Variants in KRT39 observed in about 807,000 individuals in gnomAD.
KRT39 encodes the protein keratin, type I cytoskeletal 39.
KRT39 carries 47 observed loss-of-function variants against 54.8 expected under a neutral mutation model. The ratio of observed to expected loss-of-function variants is 0.86; its 90% CI spans 0.68 to 1.09. KRT39 has a LOEUF of 1.09. KRT39 is among the 50% of genes least tolerant of loss of function. The probability of loss-of-function intolerance (pLI) is 0.00; values close to 1 mark genes in which losing one functional copy is unlikely to be tolerated. For missense variants in KRT39, 580 were observed against 598.5 expected (o/e 0.97, Z 0.32); for synonymous variants, 207 against 227.9 (o/e 0.91, Z 0.83).
chr17:40,960,458 T>TA lies in KRT39; in HGVS notation c.1039dup (p.Tyr347LeufsTer13). The TA allele has an allele frequency of 1.9e-6, 3 of 1,614,086 alleles. No homozygotes were observed. The highest frequency in any genetic ancestry group is 2.5e-6 in the Non-Finnish European group (3 of 1,179,990). The stretch of plus-strand genomic sequence containing the variant: ...CTGGATCTGGGTCAGCAAGGCCGTG[T>TA]AGCGAGCCTCTGTCTCCGTTAGGAT... On this transcript the variant is annotated frameshift_variant, in exon 6 of 7. Transcript: ENST00000355612. LOFTEE classifies it high-confidence loss of function.
intron 3 of KRT39, among the ~76,000 whole-genome samples, chr17:40,962,951 T>G (rs534032714): frequency 6.6e-6 from 1 of 151,998 alleles, no homozygotes; most frequent in Non-Finnish European, 1.5e-5. Context: ...CAATGGGAGG[T>G]GGCAGAAGCC....
chr17:40,961,055 G>A (rs1484230348), intron 5 of KRT39, among the ~76,000 whole-genome samples: 1 of 151,930 alleles, frequency 6.6e-6, no homozygotes, highest in African/African-American at 2.4e-5. Context: ...GCTTGAACCC[G>A]GGAGGTGGAG....
In KRT39 at chr17:40,966,502, G is replaced by T; in HGVS notation, c.355C>A (p.Arg119=). The T allele has an allele frequency of 6.2e-7, 1 of 1,614,014 alleles. No individual in the cohort carries two copies. The highest frequency in any genetic ancestry group is 8.5e-7 in the Non-Finnish European group (1 of 1,179,970). ...NYLQKVRMLE[R]ENAELESKIQ... ...TTAGATTCCAGTTCAGCATTCTCTCGTTCTAGCATTCGCACCTTTTGCAGG... is the reference window on the plus strand; with the variant it reads ...TTAGATTCCAGTTCAGCATTCTCTCTTTCTAGCATTCGCACCTTTTGCAGG... Residue 119 remains arginine (R), a synonymous_variant, in exon 1 of 7, where the codon CGA becomes AGA. Coordinates refer to ENST00000355612, the MANE Select transcript of KRT39 (RefSeq NM_213656.4).
At chr17:40,964,814 A>T (rs148219175) in intron 1 of KRT39, among the ~76,000 whole-genome samples, 2,222 of 152,286 alleles carry the variant, frequency 0.015, 29 homozygotes, top group Non-Finnish European at 0.025. Flanking sequence ...ATGTAATATC[A>T]GCACTTGGGA....
chr17:40,963,828 A>G (rs778941304), intron 2 of KRT39, 45 bp from the exon 3 acceptor site: 1 of 1,498,754 alleles, frequency 6.7e-7, no homozygotes, highest in Non-Finnish European at 9.1e-7. Context: ...AAAGGAGATG[A>G]TGCAAACCAA....
At chr17:40,960,947 T>C (rs1167699616) in intron 5 of KRT39, among the ~76,000 whole-genome samples, 1 of 152,086 alleles carries the variant, frequency 6.6e-6, no homozygotes, top group Non-Finnish European at 1.5e-5. Flanking sequence ...CTGGCCAAGA[T>C]GGTGAAACCC....
Position 40,966,607 on chromosome 17 carries a change from C to T in KRT39, c.250G>A (p.Asp84Asn). The change falls in exon 1 of 7, where the codon GAC becomes AAC. Residue 84 changes from aspartate to asparagine, a missense_variant. Coordinates refer to ENST00000355612, the MANE Select transcript of KRT39 (RefSeq NM_213656.4). ...NNFNARFSLD[D>N]CSWYGEGINS... ...ATGCCTTCACCATACCAGCTGCAGT[C>T]ATCCAGAGAAAAACGGGCATTGAAG... is the stretch of plus-strand genomic sequence containing the variant. 6.2e-7 allele frequency: 1 copy of T among 1,614,198 alleles called. No individual in the cohort carries two copies. The highest frequency in any genetic ancestry group is 1.3e-5 in the African/African-American group (1 of 75,052).
At position 40,966,645 on chromosome 17, in the gene KRT39, T is replaced by C. The variant is rs1317525940; in HGVS notation, c.212A>G (p.Tyr71Cys). 1.9e-6 allele frequency: 3 copies of C among 1,614,186 alleles called. No individual in the cohort carries two copies. In the Admixed American group the frequency reaches 5.0e-5, roughly 27 times the overall value. The change falls in exon 1 of 7, where the codon TAC becomes TGC. Residue 71 changes from tyrosine to cysteine, a missense_variant. Physicochemically the swap from Tyr to Cys is radical, Grantham distance 194. Coordinates refer to ENST00000355612, the MANE Select transcript of KRT39 (RefSeq NM_213656.4). ...ACGGGCATTGAAGTTGTTCATTAGG[T>C]AGATGGGCTTGCGACAAAAGCGAGG... ...PTPRFCRKPI[Y>C]LMNNFNARFS...
chr17:40,963,299 G>A (rs1426470217), intron 3 of KRT39, among the ~76,000 whole-genome samples: 1 of 151,976 alleles, frequency 6.6e-6, no homozygotes, highest in Non-Finnish European at 1.5e-5. Context: ...GCTGTTCTTA[G>A]GATAGTGAGT....
chr17:40,965,253 G>A (rs144259675), intron 1 of KRT39, among the ~76,000 whole-genome samples: 8 of 151,750 alleles, frequency 5.3e-5, no homozygotes, highest in Admixed American at 5.3e-4. Context: ...GTGCGTGCCT[G>A]TAGACCCAGC....
At chr17:40,961,412 A>T (rs1911147446) in intron 5 of KRT39, among the ~76,000 whole-genome samples, 1 of 152,174 alleles carries the variant, frequency 6.6e-6, no homozygotes, top group African/African-American at 2.4e-5. Flanking sequence ...GTGGTTCAAT[A>T]TGTTGTCCAA....
chr17:40,964,116 T>C (rs1243920689), intron 2 of KRT39: 3 of 429,560 alleles, frequency 7.0e-6, no homozygotes, highest in Non-Finnish European at 1.2e-5. Context: ...TGACTTGTGC[T>C]AGTTATGCTT....
At chr17:40,962,623 G>A in intron 3 of KRT39, 60 bp from the exon 4 acceptor site, 1 of 1,441,374 alleles carries the variant, frequency 6.9e-7, no homozygotes, top group Non-Finnish European at 9.6e-7. Flanking sequence ...TTGTGTTCTT[G>A]TTTCACTCTA....
At chr17:40,965,844 G>C (rs1278226498) in intron 1 of KRT39, among the ~76,000 whole-genome samples, 1 of 152,126 alleles carries the variant, frequency 6.6e-6, no homozygotes, top group Admixed American at 6.6e-5. Context: ...TATAATGGTA[G>C]AGTGTATTTC....
rs563509521 is a variant in KRT39 at position 40,960,958 on chromosome 17, C to T, written c.997-457G>A. Among the ~76,000 whole-genome samples the T allele has an allele frequency of 5.9e-5, 9 of 152,078 alleles. No individual in the cohort carries two copies. In the South Asian group the frequency reaches 1.2e-3, roughly 21 times the overall value. On this transcript the variant is annotated intron_variant, in intron 5 of 6. Transcript: ENST00000355612. ...CAGCCTGGCCAAGATGGTGAAACCC[C>T]GTCTCTACTAAAAATACAAAAAATT...
chr17:40,963,872 G>A (rs1597906170), intron 2 of KRT39, 89 bp from the exon 3 acceptor site: 1 of 971,516 alleles, frequency 1.0e-6, no homozygotes. Context: ...TTTTGCTCTG[G>A]GCACCTCACT....
At position 40,963,784 on chromosome 17, in the gene KRT39, C is replaced by A. The variant is rs202103752; in HGVS notation, c.552-1G>T. 72 of 1,566,842 alleles carry A rather than the reference C, an allele frequency of 4.6e-5. No individual in the cohort carries two copies. The highest frequency in any genetic ancestry group is 5.8e-5 in the Non-Finnish European group (66 of 1,145,398). On this transcript the variant is annotated splice_acceptor_variant, in intron 2 of 6. Coordinates refer to ENST00000355612, the MANE Select transcript of KRT39 (RefSeq NM_213656.4). LOFTEE classifies it high-confidence loss of function. ...GCGTAGAGACACCTCAGCTTCGTAT[C>A]TTTAAAAACCAGATGGGAAAAGAGA...
intron 5 of KRT39, among the ~76,000 whole-genome samples, chr17:40,961,836 A>C (rs528172459): frequency 6.6e-6 from 1 of 152,322 alleles, no homozygotes; most frequent in African/African-American, 2.4e-5. Context: ...TTCATGAATC[A>C]TTAATACCAT....
At chr17:40,960,215 T>C in intron 6 of KRT39, 66 bp downstream of exon 6, 1 of 1,388,958 alleles carries the variant, frequency 7.2e-7, no homozygotes, top group African/African-American at 1.4e-5. Context: ...CTGTTGCCAG[T>C]GGCAGTACAT....
Sources: allele counts gnomAD v4.1 joint callset (sites outside exome capture counted in the v4.1 genomes callset), GRCh38; gene constraint gnomAD v4.1.1; transcripts MANE v1.5; gene names NCBI Gene and HGNC (gene_info 2026-07-23, HGNC 2026-07-21).